SSUH2: variants seen among roughly 807,000 people sequenced by gnomAD.
SSUH2 encodes ssu-2 homolog.
A neutral mutation model predicts 55.3 loss-of-function variants in SSUH2; 47 were observed. That is an observed-to-expected ratio of 0.85 (90% CI 0.67 to 1.08). SSUH2 has a LOEUF of 1.08. Ranked by LOEUF, SSUH2 falls within the 50% of genes least tolerant of loss-of-function variation. SSUH2 has a pLI of 0.00. For synonymous variants in SSUH2, 212 were observed against 191.5 expected, an observed-to-expected ratio of 1.11 and a Z score of -0.89; for missense variants, 535 against 490.7, an observed-to-expected ratio of 1.09 and a Z score of -0.85.
chr3:8,674,072 T>C lies in SSUH2; in HGVS notation c.-752-2037A>G, dbSNP rs140172394. 2.2e-4 allele frequency among the ~76,000 whole-genome samples: 33 copies of C among 152,216 alleles called. 1 individual carries two copies. In the East Asian group the frequency reaches 6.4e-3, roughly 30 times the overall value. ...GCTTGCAGGGATGAATACATCACAA[T>C]GATGAGAAATAGCTAAGCAGGTGTT... On this transcript the variant is annotated intron_variant, in intron 3 of 18. Coordinates refer to the SSUH2 transcript ENST00000317371.
intron 7 of SSUH2, among the ~76,000 whole-genome samples, chr3:8,658,492 C>T (rs376216791): frequency 2.0e-5 from 3 of 152,278 alleles, no homozygotes; most frequent in African/African-American, 7.2e-5. Context: ...TGGCTTGGGC[C>T]GCCAGGCTGG....
At chr3:8,670,877 T>C (rs1455679004) in intron 5 of SSUH2, 2 of 195,568 alleles carry the variant, frequency 1.0e-5, no homozygotes, top group East Asian at 2.1e-4. Flanking sequence ...CCCTGGTGAT[T>C]TATGAGTAAC....
At chr3:8,638,015 G>A (rs11131141) in intron 1 of SSUH2, among the ~76,000 whole-genome samples, 9,034 of 152,218 alleles carry the variant, frequency 0.059, 539 homozygotes, top group East Asian at 0.17. Flanking sequence ...AAAATAGGTG[G>A]TGGGTCCGAT....
chr3:8,668,013 C>T lies in SSUH2; in HGVS notation c.-455+2985G>A, dbSNP rs952305731. On this transcript the variant is annotated intron_variant, in intron 5 of 18. Transcript: ENST00000317371. Reference sequence around the variant, plus strand: ...GCCTGGGCAACATAACAAGACCCCACCTCCTTACAGAAATTAATTTTCAAT... The same window carrying T: ...GCCTGGGCAACATAACAAGACCCCATCTCCTTACAGAAATTAATTTTCAAT... Among the ~76,000 whole-genome samples, 35 of 152,194 alleles carry T rather than the reference C, an allele frequency of 2.3e-4. 1 individual carries two copies. The highest frequency in any genetic ancestry group is 1.8e-3 in the Admixed American group (27 of 15,294).
chr3:8,626,851 A>G (rs1697685605), intron 8 of SSUH2: 3 of 152,606 alleles, frequency 2.0e-5, no homozygotes, highest in African/African-American at 7.2e-5. Flanking sequence ...GTGTTGTTTA[A>G]GCACCCGGAT....
intron 2 of SSUH2, among the ~76,000 whole-genome samples, chr3:8,679,280 CGG>C (rs1705765839): frequency 1.3e-5 from 1 of 76,364 alleles, no homozygotes; most frequent in Admixed American, 1.5e-4. Context: ...GGACCCCCAT[CGG>C]AGGGGGGGAG....
intron 1 of SSUH2, among the ~76,000 whole-genome samples, chr3:8,643,067 G>C (rs957537289): frequency 1.3e-5 from 2 of 152,094 alleles, no homozygotes; most frequent in Non-Finnish European, 2.9e-5. Flanking sequence ...GTCAAAACAG[G>C]AACTTCACAG....
intron 11 of SSUH2, among the ~76,000 whole-genome samples, chr3:8,622,813 T>G (rs932098269): frequency 3.3e-5 from 5 of 152,178 alleles, no homozygotes; most frequent in African/African-American, 1.2e-4. Context: ...AGGGTTTTGC[T>G]GCAAAACCCT....
chr3:8,669,812 G>C (rs372691299), intron 5 of SSUH2, among the ~76,000 whole-genome samples: 19 of 152,290 alleles, frequency 1.2e-4, no homozygotes, highest in African/African-American at 3.8e-4. Context: ...TACTCTTCAA[G>C]ACTCTCAGGG....
chr3:8,673,540 C>T (rs73812750), intron 3 of SSUH2, among the ~76,000 whole-genome samples: 2,324 of 152,208 alleles, frequency 0.015, 51 homozygotes, highest in African/African-American at 0.052. Flanking sequence ...AGCGAAAAGC[C>T]GCAAGCCCTA....
At chr3:8,620,458 T>C (rs1696191371) in intron 11 of SSUH2, among the ~76,000 whole-genome samples, 1 of 152,226 alleles carries the variant, frequency 6.6e-6, no homozygotes, top group South Asian at 2.1e-4. Flanking sequence ...AATTACCCAG[T>C]CTCAGATATG....
chr3:8,641,852 C>T (rs559465056), intron 1 of SSUH2, among the ~76,000 whole-genome samples: 3 of 152,328 alleles, frequency 2.0e-5, no homozygotes, highest in African/African-American at 7.2e-5. Context: ...CATCCCTAGT[C>T]GTGGAGGGCA....
chr3:8,623,151 G>C (rs1045322636), intron 11 of SSUH2, among the ~76,000 whole-genome samples: 1 of 152,156 alleles, frequency 6.6e-6, no homozygotes. Context: ...AGACAGGGCT[G>C]GGGGTTGGGA....
At chr3:8,649,635 C>T (rs1575270098), upstream of SSUH2, among the ~76,000 whole-genome samples, 1 of 152,116 alleles carries the variant, frequency 6.6e-6, no homozygotes, top group African/African-American at 2.4e-5. Flanking sequence ...TTTCCTCATA[C>T]CCGCATTCAA....
intron 5 of SSUH2, among the ~76,000 whole-genome samples, chr3:8,631,611 T>C (rs1402320743): frequency 3.3e-5 from 5 of 151,988 alleles, no homozygotes; most frequent in African/African-American, 1.2e-4. Context: ...AAGGAGGACA[T>C]AGATCTTCCC....
intron 2 of SSUH2, among the ~76,000 whole-genome samples, chr3:8,679,179 CCA>C (rs747104296): frequency 1.8e-4 from 1 of 5,628 alleles, no homozygotes; most frequent in African/African-American, 5.1e-4. Flanking sequence ...CGCTGTTCCC[CCA>C]CACTGGCTCT....
At position 8,619,881 on chromosome 3, in the gene SSUH2, C is replaced by G. The variant is rs181750881; in HGVS notation, c.1115G>C (p.Cys372Ser). The G allele has an allele frequency of 5.0e-4, 810 of 1,613,654 alleles. 6 individuals are homozygous for G. In the East Asian group the frequency reaches 0.013, roughly 26 times the overall value. The change falls in exon 12 of 12, where the codon TGT (cysteine) becomes TCT (serine). Residue 372 changes from cysteine to serine, a missense_variant. Physicochemically the swap from Cys to Ser is moderately radical, Grantham distance 112. Coordinates refer to ENST00000544814, the MANE Select transcript of SSUH2 (RefSeq NM_001256748.3). ...AGCCATGCTATGTCACACGATGGTA[C>G]AGCCACAGCAATACCGCTCAGGATA... ...VDYPERYCCG[C>S]TIV
chr3:8,661,582 A>C (rs1342298519), intron 6 of SSUH2, among the ~76,000 whole-genome samples: 1 of 152,072 alleles, frequency 6.6e-6, no homozygotes, highest in Non-Finnish European at 1.5e-5. Context: ...GGCGTGAGAG[A>C]CTCCCGAATC....
upstream of SSUH2, among the ~76,000 whole-genome samples, chr3:8,647,602 G>A (rs1445222609): frequency 2.0e-5 from 3 of 152,196 alleles, no homozygotes; most frequent in Non-Finnish European, 4.4e-5. Flanking sequence ...ATTTCTTTTT[G>A]TCTCAGAGAA....
Sources: gnomAD v4.1 joint callset for allele counts (sites outside exome capture counted in the v4.1 genomes callset) on GRCh38, gnomAD v4.1.1 for gene constraint, MANE v1.5 for transcripts, NCBI Gene and HGNC (gene_info 2026-07-23, HGNC 2026-07-21) for gene names.